Variants in PHC3 observed in about 807,000 individuals in gnomAD.
The protein encoded by PHC3 is polyhomeotic-like protein 3.
A neutral mutation model predicts 107.4 loss-of-function variants in PHC3; 13 were observed. That is an observed-to-expected ratio of 0.12 (90% CI 0.08 to 0.19). The LOEUF (loss-of-function observed/expected upper bound fraction) is 0.19, where lower values mean the gene tolerates loss of function less well. Ranked by LOEUF, PHC3 falls within the 10% of genes least tolerant of loss-of-function variation. The pLI is 1.00. For synonymous variants in PHC3, 456 were observed against 427.4 expected (o/e 1.07, Z -0.83); for missense variants, 992 against 1,210.9 (o/e 0.82, Z 2.68).
intron 8 of PHC3, among the ~76,000 whole-genome samples, chr3:170,126,382 T>C (rs1721235500): frequency 6.6e-6 from 1 of 151,498 alleles, no homozygotes. Context: ...TATAACCATA[T>C]CAGTGATAGC....
intron 9 of PHC3, 81 bp downstream of exon 9, chr3:170,122,510 G>A: frequency 6.9e-7 from 1 of 1,456,330 alleles, no homozygotes; most frequent in Non-Finnish European, 9.6e-7. Context: ...GGTGAAAGGA[G>A]GAAAGGGAAA....
At chr3:170,172,885 T>C (rs1339296304) in intron 2 of PHC3, among the ~76,000 whole-genome samples, 173 bp from the exon 3 acceptor site, 1 of 152,124 alleles carries the variant, frequency 6.6e-6, no homozygotes, top group African/African-American at 2.4e-5. Context: ...AATCACTAAC[T>C]TGTACACATT....
chr3:170,098,720 C>A (rs545217531), intron 14 of PHC3, among the ~76,000 whole-genome samples: 1 of 151,934 alleles, frequency 6.6e-6, no homozygotes, highest in Non-Finnish European at 1.5e-5. Context: ...TTTCTTTTCT[C>A]ACGTCCTCTG....
intron 1 of PHC3, 36 bp from the exon 2 acceptor site, chr3:170,178,974 G>T: frequency 6.4e-7 from 1 of 1,554,978 alleles, no homozygotes; most frequent in Non-Finnish European, 8.8e-7. Context: ...ATTGGTAAAA[G>T]CATTATCTTA....
chr3:170,113,950 TCTA>T (rs1175248223), intron 10 of PHC3, among the ~76,000 whole-genome samples: 1 of 152,172 alleles, frequency 6.6e-6, no homozygotes, highest in Non-Finnish European at 1.5e-5. Context: ...CTTTAAAAAG[TCTA>T]CTCAATTAAG....
At chr3:170,177,811 C>G (rs918083362) in intron 2 of PHC3, among the ~76,000 whole-genome samples, 2 of 151,932 alleles carry the variant, frequency 1.3e-5, no homozygotes, top group African/African-American at 2.4e-5. Flanking sequence ...GCTGGGACCA[C>G]TGGCACATGC....
intron 4 of PHC3, among the ~76,000 whole-genome samples, chr3:170,161,973 A>G (rs1727965466): frequency 6.6e-6 from 1 of 152,230 alleles, no homozygotes; most frequent in Non-Finnish European, 1.5e-5. Context: ...AATTCAGTCC[A>G]TAGCATCATT....
At chr3:170,163,034 T>C (rs763479261) in intron 4 of PHC3, among the ~76,000 whole-genome samples, 1 of 152,230 alleles carries the variant, frequency 6.6e-6, no homozygotes, top group Non-Finnish European at 1.5e-5. Context: ...TACCATCATC[T>C]GACATACTAC....
At chr3:170,124,071 A>C (rs1044581231) in intron 8 of PHC3, among the ~76,000 whole-genome samples, 5 of 151,898 alleles carry the variant, frequency 3.3e-5, no homozygotes, top group Admixed American at 6.6e-5. Context: ...GATGGTCTTG[A>C]TCTCTTGACC....
At chr3:170,142,460 C>T (rs1321222955) in intron 6 of PHC3, among the ~76,000 whole-genome samples, 2 of 136,000 alleles carry the variant, frequency 1.5e-5, no homozygotes, top group Admixed American at 7.4e-5. Context: ...CCGACTTTTG[C>T]AAAAAAAAAA....
In PHC3 at chr3:170,090,195, G is replaced by A. The variant is rs1178256891; in HGVS notation, c.*7035C>T. 1 of 152,134 alleles carries A rather than the reference G, an allele frequency of 6.6e-6. No individual in the cohort carries two copies. Among genetic ancestry groups the A allele is most frequent in the Non-Finnish European group, 1.5e-5 (1 of 68,016 alleles). The allele number at this position is 152,134 out of a possible 1,614,324, so 9.4% of individuals were successfully genotyped here. A position where few individuals can be genotyped will look rare whatever the true frequency, so the allele number is the denominator to read the frequency against. On this transcript the variant is annotated 3_prime_UTR_variant, in exon 15 of 15. Transcript: ENST00000495893. ...AAATGTGTTATAAAAATTATGATAT[G>A]ATTCACTCAGACCCCTTAGATGTCA...
intron 10 of PHC3, 100 bp downstream of exon 10, chr3:170,117,126 A>T: frequency 6.9e-7 from 1 of 1,439,322 alleles, no homozygotes. Flanking sequence ...ACTTTCTTGA[A>T]ATAAAATTAC....
rs140822823 is a variant in PHC3 at position 170,130,214 on chromosome 3, T to C, written c.920-662A>G. 5.8e-3 allele frequency among the ~76,000 whole-genome samples: 884 copies of C among 152,246 alleles called. 9 individuals are homozygous for C. Among genetic ancestry groups the C allele is most frequent in the African/African-American group, 0.02 (836 of 41,530 alleles). ...TCTTCTTTGCAGGAAAAGAGGAGTA[T>C]CATCATAGAACAAGTATAACATATA... On this transcript the variant is annotated intron_variant, in intron 7 of 14. Coordinates refer to ENST00000495893, the MANE Select transcript of PHC3 (RefSeq NM_024947.4).
At chr3:170,133,817 A>T (rs12635523) in intron 7 of PHC3, among the ~76,000 whole-genome samples, 36,173 of 152,134 alleles carry the variant, frequency 0.24, 5,280 homozygotes, top group South Asian at 0.4. Context: ...ATAAGCTGCA[A>T]TTCAGAACCA....
At chr3:170,136,196 T>G in intron 7 of PHC3, 1 of 486,978 alleles carries the variant, frequency 2.1e-6, no homozygotes, top group African/African-American at 2.0e-5. Context: ...GATAATCAAA[T>G]GTAATTTGAT....
At chr3:170,156,659 G>T (rs1373435404) in intron 4 of PHC3, among the ~76,000 whole-genome samples, 1 of 146,636 alleles carries the variant, frequency 6.8e-6, no homozygotes, top group African/African-American at 2.5e-5. Flanking sequence ...GTGCAGTGGC[G>T]CCATCTTGGC....
rs1714535403 is a variant in PHC3 at position 170,095,508 on chromosome 3, A to G, written c.*1722T>C. 1 of 152,086 alleles carries G rather than the reference A, an allele frequency of 6.6e-6. No individual in the cohort carries two copies. Among genetic ancestry groups the G allele is most frequent in the South Asian group, 2.1e-4 (1 of 4,834 alleles). The allele number at this position is 152,086 out of a possible 1,614,324, so 9.4% of individuals were successfully genotyped here. On this transcript the variant is annotated 3_prime_UTR_variant, in exon 15 of 15. Transcript: ENST00000495893. Reference sequence around the variant, plus strand: ...TAATGTACACAAAGCCAAAAGATAAATATAGTATCTGTGATGTCTTCAGTG... The same window carrying G: ...TAATGTACACAAAGCCAAAAGATAAGTATAGTATCTGTGATGTCTTCAGTG...
rs1713714540 is a variant in PHC3, at chr3:170,088,406, C to T, written c.*8824G>A. The stretch of plus-strand genomic sequence containing the variant: ...CGACAAAAAGTACTAATTTAAAAGG[C>T]TTGAAATGCCTGCCACCATTGTCAG... On this transcript the variant is annotated 3_prime_UTR_variant, in exon 15 of 15. Coordinates refer to ENST00000495893, the MANE Select transcript of PHC3 (RefSeq NM_024947.4). The T allele has an allele frequency of 6.6e-6, 1 of 152,180 alleles. No homozygotes were observed. Among genetic ancestry groups the T allele is most frequent in the African/African-American group, 2.4e-5 (1 of 41,452 alleles). 9.4% of individuals were successfully genotyped at this position (152,180 alleles called of 1,614,324 possible). A position where few individuals can be genotyped will look rare whatever the true frequency, so the allele number is the denominator to read the frequency against.
chr3:170,160,812 GA>G (rs1280397959), intron 4 of PHC3, among the ~76,000 whole-genome samples: 1 of 152,086 alleles, frequency 6.6e-6, no homozygotes, highest in Non-Finnish European at 1.5e-5. Context: ...GAGGCTGAGG[GA>G]GGAGAATCGC....
Sources: allele counts gnomAD v4.1 joint callset (sites outside exome capture counted in the v4.1 genomes callset), GRCh38; gene constraint gnomAD v4.1.1; transcripts MANE v1.5; gene names NCBI Gene and HGNC (gene_info 2026-07-23, HGNC 2026-07-21).